Variants in DMD observed in about 807,000 individuals in gnomAD.
The protein encoded by DMD is dystrophin, also known as mutant dystrophin.
Under a neutral mutation model 330.1 loss-of-function variants are expected in DMD, and 63 were observed. That is an observed-to-expected ratio of 0.19 (90% CI 0.16 to 0.24). DMD has a LOEUF of 0.24. Ranked by LOEUF, DMD falls within the 10% of genes least tolerant of loss-of-function variation. DMD has a pLI of 1.00. For missense variants in DMD, 3,344 were observed against 2,684.1 expected, an observed-to-expected ratio of 1.25 and a Z score of -5.43; for synonymous variants, 1,223 against 959.8, an observed-to-expected ratio of 1.27 and a Z score of -5.07.
At chrX:33,180,005 T>A (rs762448740) in intron 1 of DMD, among the ~76,000 whole-genome samples, 16 of 109,543 alleles carry the variant, frequency 1.5e-4, no homozygotes, top group South Asian at 1.2e-3. Context: ...CCTGGCTAAT[T>A]TTGTATTTTT....
In DMD at chrX:32,463,609, C is replaced by G. The variant is rs2098391084; in HGVS notation, c.3277-15G>C. The G allele has an allele frequency of 9.0e-7, 1 of 1,106,038 alleles. No homozygotes were observed. The highest frequency in any genetic ancestry group is 1.8e-5 in the African/African-American group (1 of 54,595). The allele number at this position is 1,106,038 out of a possible 1,213,427, so 91.1% of individuals were successfully genotyped here. A position where few individuals can be genotyped will look rare whatever the true frequency, so the allele number is the denominator to read the frequency against. On this transcript the variant is annotated splice_polypyrimidine_tract_variant and intron_variant, in intron 24 of 78. Transcript: ENST00000357033. Reference sequence around the variant, plus strand: ...CTGACTAAAAGCTAAGAAAATAAATCAATTTAAGCCAGCTGAAAAAAATTA... The same window carrying G: ...CTGACTAAAAGCTAAGAAAATAAATGAATTTAAGCCAGCTGAAAAAAATTA...
intron 42 of DMD, among the ~76,000 whole-genome samples, chrX:32,305,962 C>G (rs1306668793): frequency 9.0e-6 from 1 of 111,005 alleles, no homozygotes; most frequent in Non-Finnish European, 1.9e-5. Flanking sequence ...TCATTTCTAC[C>G]CTATTTGAAA....
intron 52 of DMD, among the ~76,000 whole-genome samples, chrX:31,691,138 G>A (rs754299928): frequency 1.8e-4 from 20 of 110,989 alleles, no homozygotes; most frequent in Non-Finnish European, 3.2e-4. Flanking sequence ...AGTAAGTTGT[G>A]ATGTTAGAAA....
intron 1 of DMD, among the ~76,000 whole-genome samples, chrX:33,127,031 G>A (rs1448620723): frequency 9.0e-6 from 1 of 111,562 alleles, no homozygotes; most frequent in Non-Finnish European, 1.9e-5. Flanking sequence ...GAGAAGACTT[G>A]CAAAAGGGTA....
intron 45 of DMD, among the ~76,000 whole-genome samples, chrX:31,944,396 T>G (rs1176206581): frequency 1.8e-5 from 2 of 112,103 alleles, no homozygotes; most frequent in Non-Finnish European, 3.8e-5. Context: ...GTAGAAGAGA[T>G]AGTTTAAAAA....
chrX:31,982,238 A>C (rs2095480457), intron 44 of DMD, among the ~76,000 whole-genome samples: 1 of 111,974 alleles, frequency 8.9e-6, no homozygotes, highest in Admixed American at 9.5e-5. Context: ...CCATATAAAT[A>C]ATGAATTGTG....
intron 44 of DMD, among the ~76,000 whole-genome samples, chrX:31,984,473 T>C (rs1289859242): frequency 1.8e-5 from 2 of 112,437 alleles, no homozygotes; most frequent in Non-Finnish European, 3.8e-5. Flanking sequence ...AATGATGCAA[T>C]TGTGGTATTT....
chrX:32,520,598 C>A (rs1182908059), intron 17 of DMD, among the ~76,000 whole-genome samples: 14 of 111,757 alleles, frequency 1.3e-4, no homozygotes, highest in East Asian at 1.1e-3. Context: ...GTATGATACA[C>A]AGTGTCTCAA....
chrX:31,550,993 C>T (rs1180326734), intron 55 of DMD, among the ~76,000 whole-genome samples: 1 of 111,256 alleles, frequency 9.0e-6, no homozygotes, highest in Non-Finnish European at 1.9e-5. Flanking sequence ...CCAGCCTGGC[C>T]AAATGGTGAA....
chrX:31,215,451 C>T (rs989650454), intron 64 of DMD, among the ~76,000 whole-genome samples: 2 of 110,718 alleles, frequency 1.8e-5, no homozygotes, highest in Admixed American at 1.9e-4. Context: ...ACGAGATGGG[C>T]GTTCTAACTG....
chrX:32,159,437 TAAC>T (rs1029242631), intron 44 of DMD, among the ~76,000 whole-genome samples: 2 of 112,256 alleles, frequency 1.8e-5, no homozygotes, highest in East Asian at 2.8e-4. Context: ...AAACTTAGTT[TAAC>T]AACAAGTCCC....
chrX:32,477,902 T>G (rs149969942), intron 21 of DMD, among the ~76,000 whole-genome samples: 2,212 of 111,523 alleles, frequency 0.02, 59 homozygotes, highest in African/African-American at 0.069. Context: ...TGAGATGTTT[T>G]GTATATATAA....
At chrX:33,255,243 C>A (rs902072576) in intron 1 of DMD, among the ~76,000 whole-genome samples, 2 of 110,570 alleles carry the variant, frequency 1.8e-5, no homozygotes, top group African/African-American at 6.5e-5. Context: ...AAGGGGAATT[C>A]CAAATAAACA....
At chrX:32,225,885 T>G in intron 43 of DMD, among the ~76,000 whole-genome samples, 1 of 111,626 alleles carries the variant, frequency 9.0e-6, no homozygotes, top group Non-Finnish European at 1.9e-5. Flanking sequence ...CTTTACTTTA[T>G]AAACACCCAG....
chrX:32,122,126 G>C (rs1190697160), intron 44 of DMD, among the ~76,000 whole-genome samples: 1 of 111,367 alleles, frequency 9.0e-6, no homozygotes, highest in Non-Finnish European at 1.9e-5. Flanking sequence ...AGGCCAAGCT[G>C]CAGAAGGGGG....
chrX:32,694,666 G>T (rs2063515487), intron 9 of DMD, among the ~76,000 whole-genome samples: 1 of 111,396 alleles, frequency 9.0e-6, no homozygotes, highest in Non-Finnish European at 1.9e-5. Flanking sequence ...TTTTATTTAT[G>T]TATTTTTGAG....
intron 44 of DMD, among the ~76,000 whole-genome samples, chrX:32,079,252 G>T (rs1437300485): frequency 8.9e-6 from 1 of 111,906 alleles, no homozygotes; most frequent in Non-Finnish European, 1.9e-5. Context: ...TCACAGAGCT[G>T]GCCCCTTCTT....
intron 2 of DMD, among the ~76,000 whole-genome samples, chrX:32,888,696 G>T (rs943026943): frequency 3.6e-5 from 4 of 111,919 alleles, no homozygotes; most frequent in Admixed American, 1.9e-4. Flanking sequence ...ATATCAAGTA[G>T]ATATCTGCAC....
chrX:33,314,570 G>GTTTTTTTTTTTTTTTTTTTTTTT (rs1170142842), intron 1 of DMD, among the ~76,000 whole-genome samples: 1 of 79,052 alleles, frequency 1.3e-5, no homozygotes, highest in Non-Finnish European at 2.3e-5. Context: ...TTTTTTTTTT[G>GTTTTTTTTTTTTTTTTTTTTTTT]TTTTTTTTTT....
Sources: allele counts gnomAD v4.1 joint callset (sites outside exome capture counted in the v4.1 genomes callset), GRCh38; gene constraint gnomAD v4.1.1; transcripts MANE v1.5; gene names NCBI Gene and HGNC (gene_info 2026-07-23, HGNC 2026-07-21).